The following ANKLE2 variants were observed in gnomAD, a reference collection of about 807,000 sequenced individuals.
ANKLE2 encodes the protein ankyrin repeat and LEM domain-containing protein 2.
Under a neutral mutation model 84.2 loss-of-function variants are expected in ANKLE2, and 55 were observed. That is an observed-to-expected ratio of 0.65 (90% CI 0.53 to 0.82). ANKLE2 has a LOEUF of 0.82. Among genes scored for constraint, ANKLE2 ranks in the 40% least tolerant of loss-of-function variants. The probability of loss-of-function intolerance (pLI) is 0.00; values close to 1 mark genes in which losing one functional copy is unlikely to be tolerated. For synonymous variants in ANKLE2, 551 were observed against 486.1 expected (o/e 1.13, Z -1.76); for missense variants, 1,238 against 1,201.9 (o/e 1.03, Z -0.44).
At chr12:132,761,334 C>G (rs1274453661) in intron 1 of ANKLE2, 2 of 284,402 alleles carry the variant, frequency 7.0e-6, no homozygotes, top group Non-Finnish European at 1.3e-5. Flanking sequence ...CCGCTAACGC[C>G]TCGCCGGGCC....
At chr12:132,730,932 T>C (rs1323607316) in intron 10 of ANKLE2, 2 of 152,234 alleles carry the variant, frequency 1.3e-5, no homozygotes, top group Non-Finnish European at 1.5e-5. Flanking sequence ...CCAGCCACCC[T>C]CCAGCTCCGA....
chr12:132,753,321 C>T (rs78322118), intron 2 of ANKLE2, among the ~76,000 whole-genome samples: 3 of 142,238 alleles, frequency 2.1e-5, no homozygotes, highest in Non-Finnish European at 4.6e-5. Context: ...ACCCCAGTCT[C>T]AAAAAAAAAA....
intron 10 of ANKLE2, among the ~76,000 whole-genome samples, chr12:132,733,029 C>A (rs1446070877): frequency 1.5e-5 from 2 of 136,064 alleles, no homozygotes; most frequent in Non-Finnish European, 3.1e-5. Context: ...AAGCGCTCTG[C>A]GTCCTGGTGT....
intron 10 of ANKLE2, among the ~76,000 whole-genome samples, chr12:132,733,338 G>A (rs2043931228): frequency 6.8e-6 from 1 of 147,558 alleles, no homozygotes; most frequent in South Asian, 2.2e-4. Context: ...CTGCGTCCTG[G>A]TGTCTGATAT....
At position 132,730,227 on chromosome 12, in the gene ANKLE2, GTCATCT is replaced by G. The variant is rs751222923; in HGVS notation, c.1929_1934del (p.Glu643_Asp644del). ...GATTTTTTATTTCTTCCAAGCTCAT[GTCATCT>G]TCATCTAGAAACGCCCTCACGGAAA... is the stretch of plus-strand genomic sequence containing the variant. On this transcript the variant is annotated inframe_deletion, in exon 11 of 13. Coordinates refer to ENST00000357997, the MANE Select transcript of ANKLE2 (RefSeq NM_015114.3). 92 of 1,585,176 alleles carry G rather than the reference GTCATCT, an allele frequency of 5.8e-5. No individual in the cohort carries two copies. Among genetic ancestry groups the G allele is most frequent in the Non-Finnish European group, 7.6e-5 (89 of 1,163,620 alleles).
chr12:132,741,959 G>T (rs2044132677), intron 6 of ANKLE2: 1 of 403,218 alleles, frequency 2.5e-6, no homozygotes, highest in Admixed American at 3.2e-5. Context: ...AGCCCTTGAA[G>T]AATTGCAGCA....
At position 132,728,152 on chromosome 12, in the gene ANKLE2, G is replaced by C. The variant is rs753680111; in HGVS notation, c.2495C>G (p.Ser832Ter). 2.1e-5 allele frequency: 34 copies of C among 1,612,654 alleles called. No homozygotes were observed. Among genetic ancestry groups the C allele is most frequent in the Non-Finnish European group, 2.8e-5 (33 of 1,179,864 alleles). ...GGCCAAAACATCCTGATCGAGTTTT[G>C]ATGGCTCCTCTCTAGAAAGCACAAT... ...RRLFLFGEEP[S>*]KLDQDVLAAL... The change falls in exon 12 of 13, where the codon TCA becomes TGA. Residue 832 changes from serine to a stop codon, truncating the protein, a stop_gained. Coordinates refer to ENST00000357997, the MANE Select transcript of ANKLE2 (RefSeq NM_015114.3). LOFTEE classifies it high-confidence loss of function.
At chr12:132,734,853 C>G (rs538451934) in intron 9 of ANKLE2, 12 of 434,200 alleles carry the variant, frequency 2.8e-5, no homozygotes, top group African/African-American at 1.8e-4. Context: ...ACGCCAGCAA[C>G]CCAGGTCACA....
At chr12:132,741,984 T>C in intron 6 of ANKLE2, 1 of 358,594 alleles carries the variant, frequency 2.8e-6, no homozygotes, top group Non-Finnish European at 5.5e-6. Context: ...GAACTTTTGC[T>C]AGAAACTATA....
intron 1 of ANKLE2, chr12:132,759,035 G>C (rs2044548234): frequency 7.3e-6 from 1 of 137,686 alleles, no homozygotes; most frequent in Admixed American, 8.0e-5. Flanking sequence ...GATCGCTGCG[G>C]AGTGGCACCC....
chr12:132,744,680 C>T (rs1291133994), intron 5 of ANKLE2, among the ~76,000 whole-genome samples: 1 of 152,208 alleles, frequency 6.6e-6, no homozygotes, highest in Admixed American at 6.5e-5. Flanking sequence ...AGATAGTAAG[C>T]ACTATAGACT....
chr12:132,757,785 T>C (rs2044516972), intron 1 of ANKLE2: 1 of 152,030 alleles, frequency 6.6e-6, no homozygotes, highest in Non-Finnish European at 1.5e-5. Flanking sequence ...ATGGCGGCAC[T>C]GCACTCCAGC....
rs1323260003 is a variant in ANKLE2 at position 132,725,984 on chromosome 12, T to G, written c.*1258A>C. On this transcript the variant is annotated 3_prime_UTR_variant, in exon 13 of 13. Coordinates refer to ENST00000357997, the MANE Select transcript of ANKLE2 (RefSeq NM_015114.3). ...AGAAGCCTTTTTTTAAAACAAAGTT[T>G]CAATTCAGAATTTTTACAAACAAAA... The G allele has an allele frequency of 6.6e-6, 1 of 152,236 alleles. No individual in the cohort carries two copies. The highest frequency in any genetic ancestry group is 1.5e-5 in the Non-Finnish European group (1 of 68,030). 9.4% of individuals were successfully genotyped at this position (152,236 alleles called of 1,614,324 possible).
intron 2 of ANKLE2, among the ~76,000 whole-genome samples, chr12:132,753,134 A>G (rs1307386776): frequency 6.6e-6 from 1 of 152,104 alleles, no homozygotes; most frequent in Non-Finnish European, 1.5e-5. Flanking sequence ...AACATGGGGA[A>G]ACATTGTCTC....
chr12:132,729,077 G>A (rs1191144081), intron 11 of ANKLE2, among the ~76,000 whole-genome samples: 14 of 151,890 alleles, frequency 9.2e-5, no homozygotes, highest in Admixed American at 9.2e-4. Context: ...TGGAGGCCGG[G>A]TGCGGTGGCT....
chr12:132,750,556 A>G (rs1281694738), intron 3 of ANKLE2, 87 bp downstream of exon 3: 1 of 1,446,022 alleles, frequency 6.9e-7, no homozygotes, highest in Middle Eastern at 1.8e-4. Flanking sequence ...GGAGAAAACA[A>G]GTTACCACAT....
Position 132,747,837 on chromosome 12 carries a change from TGTC to T in ANKLE2, c.1222_1224del (p.Asp408del). On this transcript the variant is annotated inframe_deletion, in exon 5 of 13. Coordinates refer to ENST00000357997, the MANE Select transcript of ANKLE2 (RefSeq NM_015114.3). The stretch of plus-strand genomic sequence containing the variant: ...AGTGGAGGGTGTGCACGCACCATCT[TGTC>T]GGGGGTGTTGAGGTACAGGTCCACC... 1 of 1,598,726 alleles carries T rather than the reference TGTC, an allele frequency of 6.3e-7. No homozygotes were observed. The highest frequency in any genetic ancestry group is 2.2e-5 in the East Asian group (1 of 44,824).
At position 132,734,670 on chromosome 12, in the gene ANKLE2, CA is replaced by C. The variant is rs1468543479; in HGVS notation, c.1701-96del. On this transcript the variant is annotated intron_variant, in intron 9 of 12. Transcript: ENST00000357997. ...GCCACTAAAGCTTCAAGTACCAAAGCAATGTCTGCAATCATGGTTATAATTT... is the reference window on the plus strand; with the variant it reads ...GCCACTAAAGCTTCAAGTACCAAAGCATGTCTGCAATCATGGTTATAATTT... 8.5e-6 allele frequency: 10 copies of C among 1,174,898 alleles called. No homozygotes were observed. In the African/African-American group the frequency reaches 1.6e-4, roughly 18 times the overall value. The allele number at this position is 1,174,898 out of a possible 1,614,324, so 72.8% of individuals were successfully genotyped here. A position where few individuals can be genotyped will look rare whatever the true frequency, so the allele number is the denominator to read the frequency against.
At chr12:132,742,390 C>G (rs972660484) in intron 6 of ANKLE2, 1 of 153,502 alleles carries the variant, frequency 6.5e-6, no homozygotes, top group South Asian at 2.0e-4. Context: ...CCACTGCCAC[C>G]AGAAGATCCT....
Sources: allele counts gnomAD v4.1 joint callset (sites outside exome capture counted in the v4.1 genomes callset), GRCh38; gene constraint gnomAD v4.1.1; transcripts MANE v1.5; gene names NCBI Gene and HGNC (gene_info 2026-07-23, HGNC 2026-07-21).